Variants in SLC8A1 observed in about 807,000 individuals in gnomAD.
SLC8A1 encodes solute carrier family 8 member A1.
In SLC8A1, 18 loss-of-function variants were observed where a neutral mutation model predicts 68.3. The observed-to-expected ratio is 0.26, with a 90% CI of 0.18 to 0.39. SLC8A1 has a LOEUF of 0.39. Ranked by LOEUF, SLC8A1 falls within the 10% of genes least tolerant of loss-of-function variation. The pLI is 1.00. For missense variants in SLC8A1, 985 were observed against 1,156.7 expected (o/e 0.85, Z 2.15); for synonymous variants, 475 against 415.5 (o/e 1.14, Z -1.74).
intron 2 of SLC8A1, among the ~76,000 whole-genome samples, chr2:40,297,505 C>T (rs2070628073): frequency 6.6e-6 from 1 of 152,126 alleles, no homozygotes; most frequent in Non-Finnish European, 1.5e-5. Flanking sequence ...CAGTAGTTTT[C>T]TGGAAAAAAT....
chr2:40,415,897 C>CAT (rs1693700130), intron 2 of SLC8A1, among the ~76,000 whole-genome samples: 1 of 149,166 alleles, frequency 6.7e-6, no homozygotes, highest in Non-Finnish European at 1.5e-5. Flanking sequence ...CACACACACA[C>CAT]ACACACACAC....
chr2:40,441,614 A>C (rs1270647218), intron 1 of SLC8A1, among the ~76,000 whole-genome samples: 1 of 152,062 alleles, frequency 6.6e-6, no homozygotes, highest in Non-Finnish European at 1.5e-5. Context: ...ATAACACTAC[A>C]CATCTACAAC....
At chr2:40,392,617 T>C (rs565138258) in intron 2 of SLC8A1, among the ~76,000 whole-genome samples, 5 of 152,280 alleles carry the variant, frequency 3.3e-5, no homozygotes, top group Non-Finnish European at 5.9e-5. Flanking sequence ...GTGCTTTTAC[T>C]AAAAATATCT....
intron 2 of SLC8A1, among the ~76,000 whole-genome samples, chr2:40,291,903 C>CT (rs75778511): frequency 0.087 from 11,981 of 138,212 alleles, 781 homozygotes; most frequent in African/African-American, 0.19. Context: ...GACATCTTTA[C>CT]TTTTTTTTTT....
intron 2 of SLC8A1, chr2:40,213,224 A>G (rs558999359): frequency 6.6e-6 from 1 of 152,328 alleles, no homozygotes; most frequent in South Asian, 2.1e-4. Flanking sequence ...CACTGGTAAG[A>G]TCACCGAGTG....
At chr2:40,424,464 AT>A (rs1005630478) in intron 2 of SLC8A1, among the ~76,000 whole-genome samples, 13 of 151,622 alleles carry the variant, frequency 8.6e-5, no homozygotes, top group South Asian at 2.1e-4. Flanking sequence ...TACTACTGAA[AT>A]TTTTTTTCCT....
chr2:40,353,864 A>G (rs1182567132), intron 2 of SLC8A1, among the ~76,000 whole-genome samples: 1 of 152,212 alleles, frequency 6.6e-6, no homozygotes, highest in African/African-American at 2.4e-5. Context: ...GGGAGGCACC[A>G]GATTAGAATC....
exon 8 of SLC8A1, chr2:40,115,496 G>A (rs560427129): frequency 3.2e-5 from 52 of 1,614,230 alleles, no homozygotes; most frequent in Admixed American, 6.7e-5. Flanking sequence ...CATTGGCTGC[G>A]TGGTAGATGG....
chr2:40,282,037 C>G lies in SLC8A1; in HGVS notation c.1809-104182G>C, dbSNP rs535389776. ...GCTTCTATCCCTTCAGCACAGCTCC[C>G]CCACACAAGAGCGTACCTTTAATGA... On this transcript the variant is annotated intron_variant, in intron 2 of 7. Coordinates refer to ENST00000406785, the Ensembl canonical transcript of SLC8A1. Among the ~76,000 whole-genome samples the G allele has an allele frequency of 3.3e-5, 5 of 152,250 alleles. No homozygotes were observed. In the South Asian group the frequency reaches 8.3e-4, roughly 25 times the overall value.
intron 1 of SLC8A1, among the ~76,000 whole-genome samples, chr2:40,479,168 T>C (rs571054983): frequency 1.3e-5 from 2 of 152,356 alleles, no homozygotes; most frequent in East Asian, 1.9e-4. Context: ...GTGACTGTTG[T>C]CGAATAAACA....
intron 2 of SLC8A1, among the ~76,000 whole-genome samples, chr2:40,229,925 C>CT (rs2059445574): frequency 6.6e-6 from 1 of 152,114 alleles, no homozygotes. Flanking sequence ...AAGTTCATAT[C>CT]TTTTTTGATG....
At chr2:40,426,085 T>C (rs910826033) in intron 2 of SLC8A1, among the ~76,000 whole-genome samples, 2 of 151,958 alleles carry the variant, frequency 1.3e-5, no homozygotes, top group Non-Finnish European at 2.9e-5. Context: ...CTATTTAGCA[T>C]CTACAAAGCT....
intron 2 of SLC8A1, among the ~76,000 whole-genome samples, chr2:40,340,155 A>G (rs1242254151): frequency 2.0e-5 from 3 of 152,236 alleles, no homozygotes; most frequent in African/African-American, 4.8e-5. Context: ...TTGGAGATCA[A>G]AAATGGTGGT....
At chr2:40,321,550 T>C (rs2075190318) in intron 2 of SLC8A1, among the ~76,000 whole-genome samples, 1 of 152,100 alleles carries the variant, frequency 6.6e-6, no homozygotes, top group South Asian at 2.1e-4. Flanking sequence ...TTTAATTGAC[T>C]CACAGTTCTG....
rs572872220 is a variant in SLC8A1 at position 40,463,340 on chromosome 2, G to A, written c.-24-33036C>T. Among the ~76,000 whole-genome samples, 4 of 152,312 alleles carry A rather than the reference G, an allele frequency of 2.6e-5. No individual in the cohort carries two copies. In the East Asian group the frequency reaches 7.7e-4, roughly 29 times the overall value. On this transcript the variant is annotated intron_variant, in intron 1 of 7. Coordinates refer to the SLC8A1 transcript ENST00000402441. ...CGCAGCCAGTGAGGGAGAAAGGGGTGTCAGCGGCGGCTGCAAGATAAGCAT... is the reference window on the plus strand; with the variant it reads ...CGCAGCCAGTGAGGGAGAAAGGGGTATCAGCGGCGGCTGCAAGATAAGCAT...
chr2:40,291,866 A>T (rs950368161), intron 2 of SLC8A1, among the ~76,000 whole-genome samples: 7 of 151,224 alleles, frequency 4.6e-5, no homozygotes, highest in Non-Finnish European at 8.8e-5. Context: ...AGTCATATTC[A>T]GTCACAACAC....
intron 2 of SLC8A1, among the ~76,000 whole-genome samples, chr2:40,217,722 ATC>A: frequency 6.6e-6 from 1 of 152,082 alleles, no homozygotes; most frequent in East Asian, 1.9e-4. Flanking sequence ...AAATTATCCC[ATC>A]TGTCAGTCTG....
At chr2:40,147,763 C>T (rs2042723053) in intron 6 of SLC8A1, among the ~76,000 whole-genome samples, 1 of 152,194 alleles carries the variant, frequency 6.6e-6, no homozygotes. Context: ...GTCTGCTCCA[C>T]ATGCAGAGGG....
intron 2 of SLC8A1, among the ~76,000 whole-genome samples, chr2:40,311,435 T>C (rs974746775): frequency 1.9e-5 from 2 of 106,712 alleles, no homozygotes; most frequent in African/African-American, 1.2e-4. Context: ...AAAATTTTGA[T>C]GCATTCATAT....
Sources: allele counts gnomAD v4.1 joint callset (sites outside exome capture counted in the v4.1 genomes callset), GRCh38; gene constraint gnomAD v4.1.1; transcripts MANE v1.5; gene names NCBI Gene and HGNC (gene_info 2026-07-23, HGNC 2026-07-21).